XRRA1: variants seen among roughly 807,000 people sequenced by gnomAD.
XRRA1 encodes X-ray radiation resistance associated 1.
XRRA1 carries 69 observed loss-of-function variants against 80.2 expected under a neutral mutation model. The observed-to-expected ratio is 0.86, with a 90% CI of 0.71 to 1.05. The LOEUF (loss-of-function observed/expected upper bound fraction) is 1.05. Ranked by LOEUF, XRRA1 falls within the 50% of genes least tolerant of loss-of-function variation. The pLI, the probability that XRRA1 is intolerant of heterozygous loss-of-function variation, is 0.00. For missense variants in XRRA1, 967 were observed against 976.4 expected (o/e 0.99, Z 0.13); for synonymous variants, 348 against 389.9 (o/e 0.89, Z 1.27).
At chr11:74,858,326 G>C (rs930344243) in intron 12 of XRRA1, among the ~76,000 whole-genome samples, 6 of 152,186 alleles carry the variant, frequency 3.9e-5, no homozygotes, top group African/African-American at 1.4e-4. Flanking sequence ...GTGGTATTGA[G>C]AAAGCTGGAT....
chr11:74,889,801 C>T (rs537658481), intron 10 of XRRA1, among the ~76,000 whole-genome samples: 8 of 149,676 alleles, frequency 5.3e-5, no homozygotes, highest in South Asian at 2.1e-4. Context: ...TCAAAGGAGA[C>T]GAAGGCCATT....
intron 6 of XRRA1, 35 bp downstream of exon 6, chr11:74,930,265 G>A (rs1266303899): frequency 2.7e-6 from 4 of 1,497,488 alleles, no homozygotes; most frequent in Non-Finnish European, 3.6e-6. Context: ...CTGGCTAAGA[G>A]GAGGAAGAGA....
At chr11:74,855,111 TC>T (rs2040775751) in intron 12 of XRRA1, among the ~76,000 whole-genome samples, 1 of 152,178 alleles carries the variant, frequency 6.6e-6, no homozygotes, top group African/African-American at 2.4e-5. Flanking sequence ...TTGCCTTTTG[TC>T]CCACAAGGGC....
intron 1 of XRRA1, among the ~76,000 whole-genome samples, chr11:74,945,734 T>C (rs1194557727): frequency 1.3e-5 from 2 of 152,154 alleles, no homozygotes; most frequent in African/African-American, 4.8e-5. Context: ...CATCTCAAAC[T>C]TGATGCAGCT....
intron 8 of XRRA1, chr11:74,919,554 G>A (rs988117079): frequency 4.9e-6 from 2 of 408,522 alleles, no homozygotes; most frequent in Admixed American, 7.0e-5. Context: ...CATGGAGAAA[G>A]CCTACCTAAG....
Position 74,932,631 on chromosome 11 carries a change from G to A in XRRA1, c.351+1170C>T, listed in dbSNP as rs369258991. 4.0e-4 allele frequency among the ~76,000 whole-genome samples: 61 copies of A among 152,306 alleles called. 1 individual carries two copies. The East Asian group carries it at 0.011, about 28-fold the overall frequency. ...GGACTGAGCTTTGACCAGCCATGTT[G>A]TAGCCCTCAAAAGGTGAATTGATAA... On this transcript the variant is annotated intron_variant, in intron 5 of 18. Coordinates refer to ENST00000684022, the MANE Select transcript of XRRA1 (RefSeq NM_001378157.1).
intron 1 of XRRA1, among the ~76,000 whole-genome samples, chr11:74,948,204 G>A (rs751572523): frequency 6.6e-6 from 1 of 152,212 alleles, no homozygotes; most frequent in Non-Finnish European, 1.5e-5. Context: ...ATAGAGCATG[G>A]TATAATACAA....
chr11:74,920,244 T>C (rs1000430690), intron 8 of XRRA1, among the ~76,000 whole-genome samples: 1 of 152,230 alleles, frequency 6.6e-6, no homozygotes, highest in African/African-American at 2.4e-5. Flanking sequence ...CCACTTTGAA[T>C]TGGACTTCTG....
chr11:74,943,979 G>C (rs938803987), intron 2 of XRRA1, among the ~76,000 whole-genome samples: 2 of 151,940 alleles, frequency 1.3e-5, no homozygotes. Flanking sequence ...ATGCCACCAT[G>C]TCTGGCTAAT....
chr11:74,864,012 T>C (rs2042867796), intron 10 of XRRA1: 1 of 152,132 alleles, frequency 6.6e-6, no homozygotes, highest in African/African-American at 2.4e-5. Flanking sequence ...AAGCTTCTGA[T>C]TGAGGATTGT....
rs76949802 is a variant in XRRA1, at chr11:74,869,581, C to T, written c.1004-6560G>A. On this transcript the variant is annotated intron_variant, in intron 10 of 18. Coordinates refer to ENST00000684022, the MANE Select transcript of XRRA1 (RefSeq NM_001378157.1). ...TTTTCTTTTTTTGTTAATATGTGTA[C>T]AGTAAAGGGATGGGCAACATGGTGC... Among the ~76,000 whole-genome samples, 868 of 152,208 alleles carry T rather than the reference C, an allele frequency of 5.7e-3. 5 individuals are homozygous for T. The highest frequency in any genetic ancestry group is 9.2e-3 in the Non-Finnish European group (625 of 68,014).
At chr11:74,893,957 C>T (rs1013277758) in intron 10 of XRRA1, among the ~76,000 whole-genome samples, 4 of 152,096 alleles carry the variant, frequency 2.6e-5, no homozygotes, top group African/African-American at 4.8e-5. Context: ...GTATGTTCAC[C>T]GCAGCACTAT....
In XRRA1 at chr11:74,843,304, T is replaced by A. The variant is rs754220571; in HGVS notation, c.2299A>T (p.Met767Leu). ...CTCTCACTCAGCGCTGGGCAGGCCATGGGGAGCGGGGTAGTCCCGAACACT... is the reference window on the plus strand; with the variant it reads ...CTCTCACTCAGCGCTGGGCAGGCCAAGGGGAGCGGGGTAGTCCCGAACACT... ...RTVFGTTPLP[M>L]ACPALSESQP... Residue 767 changes from methionine (M) to leucine (L), a missense_variant, in exon 19 of 19, where the codon ATG becomes TTG. Transcript: ENST00000684022. 2.6e-5 allele frequency: 42 copies of A among 1,602,322 alleles called. No individual in the cohort carries two copies. The highest frequency in any genetic ancestry group is 3.5e-5 in the Non-Finnish European group (41 of 1,174,844).
intron 10 of XRRA1, among the ~76,000 whole-genome samples, chr11:74,896,757 T>G (rs772786660): frequency 2.6e-5 from 4 of 152,106 alleles, no homozygotes; most frequent in Non-Finnish European, 4.4e-5. Context: ...TGGCAGAAAG[T>G]AAGGGAAAAG....
chr11:74,915,331 C>T (rs944215229), intron 8 of XRRA1, among the ~76,000 whole-genome samples: 3 of 152,130 alleles, frequency 2.0e-5, no homozygotes, highest in African/African-American at 4.8e-5. Flanking sequence ...GTGTGAAGAC[C>T]GTGTCTCATA....
intron 10 of XRRA1, among the ~76,000 whole-genome samples, chr11:74,905,015 G>A (rs1215755980): frequency 6.6e-6 from 1 of 152,012 alleles, no homozygotes; most frequent in African/African-American, 2.4e-5. Flanking sequence ...ATTATTTTAG[G>A]GAGAATCTGA....
intron 8 of XRRA1, chr11:74,920,061 T>C: frequency 5.4e-6 from 1 of 186,280 alleles, no homozygotes; most frequent in Non-Finnish European, 1.1e-5. Context: ...TGTCTTCATG[T>C]GTATGACAGA....
intron 3 of XRRA1, among the ~76,000 whole-genome samples, chr11:74,939,673 G>A (rs1021550133): frequency 1.3e-5 from 2 of 152,188 alleles, no homozygotes; most frequent in Non-Finnish European, 2.9e-5. Context: ...CTGGAGAATG[G>A]TATTTAGAAA....
chr11:74,858,984 A>C (rs972334813), intron 12 of XRRA1, among the ~76,000 whole-genome samples, 174 bp downstream of exon 12: 1 of 152,168 alleles, frequency 6.6e-6, no homozygotes, highest in Non-Finnish European at 1.5e-5. Context: ...GACTGAAGAG[A>C]TGGACTCCTG....
Sources: allele counts gnomAD v4.1 joint callset (sites outside exome capture counted in the v4.1 genomes callset), GRCh38; gene constraint gnomAD v4.1.1; transcripts MANE v1.5; gene names NCBI Gene and HGNC (gene_info 2026-07-23, HGNC 2026-07-21).